COL5A1: variants seen among roughly 807,000 people sequenced by gnomAD.
COL5A1 encodes collagen alpha-1(V) chain.
Under a neutral mutation model 263.7 loss-of-function variants are expected in COL5A1, and 16 were observed. That is an observed-to-expected ratio of 0.06 (90% CI 0.04 to 0.09). The LOEUF is 0.09. COL5A1 is among the 10% of genes least tolerant of loss of function. COL5A1 has a pLI of 1.00. For missense variants in COL5A1, 2,036 were observed against 2,540.5 expected, an observed-to-expected ratio of 0.80 and a Z score of 4.27; for synonymous variants, 1,012 against 1,004.5, an observed-to-expected ratio of 1.01 and a Z score of -0.14.
chr9:134,803,703 T>C (rs952435504), intron 39 of COL5A1, among the ~76,000 whole-genome samples: 5 of 151,614 alleles, frequency 3.3e-5, no homozygotes, highest in Non-Finnish European at 7.4e-5. Context: ...ATTAGCTGGG[T>C]GTGGTGGCGG....
chr9:134,668,953 A>AT (rs1832440524), intron 1 of COL5A1, among the ~76,000 whole-genome samples: 7 of 125,100 alleles, frequency 5.6e-5, no homozygotes, highest in Non-Finnish European at 1.0e-4. Context: ...CCACCCACCC[A>AT]CCCATCCATC....
chr9:134,766,733 C>T (rs1017863893), intron 22 of COL5A1, among the ~76,000 whole-genome samples: 5 of 152,202 alleles, frequency 3.3e-5, no homozygotes, highest in East Asian at 1.9e-4. Context: ...GTTCCTCTCA[C>T]GTGTTCCTTC....
rs756837325 is a variant in COL5A1, at chr9:134,824,603, C to T, written c.4702C>T (p.Pro1568Ser). Residue 1568 changes from proline (P) to serine (S), a missense_variant, in exon 62 of 66, where the codon CCC becomes TCC. Pro to Ser is a moderately conservative substitution (Grantham distance 74). Transcript: ENST00000371817. ...CTGCTCCTGTTCTGTCCCCCAGGGC[C>T]CCCCGGGAGAGGTCATCCAGCCCCT... is the stretch of plus-strand genomic sequence containing the variant. ...GHPGPPGPPG[P>S]PGEVIQPLPI... The T allele has an allele frequency of 6.8e-6, 11 of 1,613,916 alleles. No homozygotes were observed. Among genetic ancestry groups the T allele is most frequent in the Non-Finnish European group, 7.6e-6 (9 of 1,180,020 alleles).
chr9:134,670,930 C>T lies in COL5A1; in HGVS notation c.110-19982C>T, dbSNP rs367986971. 2.9e-3 allele frequency among the ~76,000 whole-genome samples: 445 copies of T among 152,318 alleles called. 2 individuals are homozygous for T. Among genetic ancestry groups the T allele is most frequent in the African/African-American group, 0.01 (424 of 41,572 alleles). On this transcript the variant is annotated intron_variant, in intron 1 of 65. Transcript: ENST00000371817. ...ACTAAACGCATGTGCCTGGGCCTGC[C>T]TTCCACACTGAAATACCACAAGGCC...
rs531404571 is a variant in COL5A1 at position 134,754,397 on chromosome 9, G to A, written c.1827+71G>A. ...CTGGAGGAGCCCAAATCTGGGGTGC[G>A]GGCACCCCCAACAGCCAGCTGGGCC... is the stretch of plus-strand genomic sequence containing the variant. On this transcript the variant is annotated intron_variant, in intron 16 of 65. Transcript: ENST00000371817. This position sits in a 1 kb window ranked among gnomAD's most constrained non-coding sequence, Gnocchi z 4.3. 3.1e-5 allele frequency: 48 copies of A among 1,546,686 alleles called. No individual in the cohort carries two copies. Among genetic ancestry groups the A allele is most frequent in the Middle Eastern group, 1.7e-4 (1 of 5,892 alleles).
chr9:134,652,618 G>A lies in COL5A1; in HGVS notation c.109+10322G>A, dbSNP rs1831731866. The A allele has an allele frequency of 2.2e-6, 1 of 461,888 alleles. No individual in the cohort carries two copies. Among genetic ancestry groups the A allele is most frequent in the Non-Finnish European group, 4.5e-6 (1 of 221,050 alleles). 28.6% of individuals were successfully genotyped at this position (461,888 alleles called of 1,614,324 possible). A position where few individuals can be genotyped will look rare whatever the true frequency, so the allele number is the denominator to read the frequency against. On this transcript the variant is annotated intron_variant, in intron 1 of 65. Transcript: ENST00000371817. This position sits in a 1 kb window ranked among gnomAD's most constrained non-coding sequence, Gnocchi z 4.4. ...TGCTGCTCTGCACCCCACAGTGCAC[G>A]GGACAGCCCCCACCAAAAAGACTGA...
chr9:134,816,099 T>C (rs1296694514), intron 52 of COL5A1, 111 bp downstream of exon 52: 1 of 938,612 alleles, frequency 1.1e-6, no homozygotes, highest in African/African-American at 1.6e-5. Flanking sequence ...TTGATATTGA[T>C]TCCTTTATGA....
chr9:134,660,074 CT>C (rs1832157325), intron 1 of COL5A1, among the ~76,000 whole-genome samples: 1 of 152,198 alleles, frequency 6.6e-6, no homozygotes, highest in Non-Finnish European at 1.5e-5. Flanking sequence ...CACAAAACCC[CT>C]CCTGGGTCAG....
chr9:134,720,700 C>T (rs1007826774), intron 4 of COL5A1, among the ~76,000 whole-genome samples: 18 of 152,276 alleles, frequency 1.2e-4, no homozygotes, highest in African/African-American at 4.3e-4. Context: ...TCAGGGGAGG[C>T]TGAGATTTCC....
chr9:134,728,757 C>T lies in COL5A1; in HGVS notation c.874C>T (p.Pro292Ser), dbSNP rs1285504923. 3 of 1,614,096 alleles carry T rather than the reference C, an allele frequency of 1.9e-6. No individual in the cohort carries two copies. Among genetic ancestry groups the T allele is most frequent in the Non-Finnish European group, 1.7e-6 (2 of 1,180,052 alleles). ...CGAAGACCTAGGGAAGGAGCCCACC[C>T]CCAGCAAGAAGCCCGTGGAAGCTGC... ...DPEDLGKEPT[P>S]SKKPVEAAKE... The change falls in exon 6 of 66, where the codon CCC becomes TCC. Residue 292 changes from proline to serine, a missense_variant. Coordinates refer to ENST00000371817, the MANE Select transcript of COL5A1 (RefSeq NM_000093.5).
At position 134,652,624 on chromosome 9, in the gene COL5A1, GC is replaced by G; in HGVS notation, c.109+10333del. 2.1e-6 allele frequency: 1 copy of G among 467,430 alleles called. No individual in the cohort carries two copies. Among genetic ancestry groups the G allele is most frequent in the East Asian group, 7.0e-5 (1 of 14,302 alleles). The allele number at this position is 467,430 out of a possible 1,614,324, so 29.0% of individuals were successfully genotyped here. A position where few individuals can be genotyped will look rare whatever the true frequency, so the allele number is the denominator to read the frequency against. ...TCTGCACCCCACAGTGCACGGGACA[GC>G]CCCCACCAAAAAGACTGACCCAGCC... On this transcript the variant is annotated intron_variant, in intron 1 of 65. Transcript: ENST00000371817. This position sits in a 1 kb window ranked among gnomAD's most constrained non-coding sequence, Gnocchi z 4.4.
At chr9:134,825,002 G>T (rs898503964) in intron 62 of COL5A1, 147 bp downstream of exon 62, 1 of 1,170,242 alleles carries the variant, frequency 8.5e-7, no homozygotes, top group African/African-American at 1.5e-5. Flanking sequence ...GCCGGGGTGC[G>T]CAAGAGCCTC....
At position 134,651,970 on chromosome 9, in the gene COL5A1, G is replaced by A. The variant is rs537152002; in HGVS notation, c.109+9674G>A. Among the ~76,000 whole-genome samples the A allele has an allele frequency of 9.9e-5, 15 of 152,274 alleles. No homozygotes were observed. The South Asian group carries it at 2.7e-3, about 27-fold the overall frequency. ...TGAGGAGAAAGTGTCCCGTGTCCAC[G>A]TTCCTGTGGACGTTCCCCTTCCTTC... On this transcript the variant is annotated intron_variant, in intron 1 of 65. Coordinates refer to ENST00000371817, the MANE Select transcript of COL5A1 (RefSeq NM_000093.5).
intron 18 of COL5A1, among the ~76,000 whole-genome samples, chr9:134,759,771 CCA>C (rs1311130608): frequency 6.7e-5 from 8 of 119,526 alleles, no homozygotes; most frequent in African/African-American, 6.1e-5. Context: ...CCACGCACCC[CCA>C]CACTCATACA....
In COL5A1 at chr9:134,716,789, A is replaced by G. The variant is rs1175881864; in HGVS notation, c.655-10477A>G. ...GCCCACCCCCATGTTGGAGACACAG[A>G]TGTGTCATTTTGCAGCCTTGCACCC... On this transcript the variant is annotated intron_variant, in intron 4 of 65. Coordinates refer to ENST00000371817, the MANE Select transcript of COL5A1 (RefSeq NM_000093.5). This position sits in a 1 kb window ranked among gnomAD's most constrained non-coding sequence, Gnocchi z 4.5. Among the ~76,000 whole-genome samples, 1 of 152,014 alleles carries G rather than the reference A, an allele frequency of 6.6e-6. No individual in the cohort carries two copies. Among genetic ancestry groups the G allele is most frequent in the African/African-American group, 2.4e-5 (1 of 41,360 alleles).
rs1564396163 is a variant in COL5A1, at chr9:134,699,974, T to A, written c.343T>A (p.Phe115Ile). 6.2e-7 allele frequency: 1 copy of A among 1,613,946 alleles called. No homozygotes were observed. Among genetic ancestry groups the A allele is most frequent in the Non-Finnish European group, 8.5e-7 (1 of 1,180,034 alleles). ...GAAAGCCAAGAAAGGCAGCCAGGCC[T>A]TCCTGGTCTCCATCTACAACGAGCA... Reference protein sequence around the residue: ...TVKAKKGSQAFLVSIYNEQGI... With the variant: ...TVKAKKGSQAILVSIYNEQGI... The change falls in exon 3 of 66, where the codon TTC (phenylalanine) becomes ATC (isoleucine). Residue 115 changes from phenylalanine (F) to isoleucine (I), a missense_variant. This residue lies in a region of COL5A1 where 600 missense variants were observed against 634.5 expected (regional missense o/e 0.95). Transcript: ENST00000371817.
In COL5A1 at chr9:134,696,525, G is replaced by A. The variant is rs537832857; in HGVS notation, c.278-3384G>A. On this transcript the variant is annotated intron_variant, in intron 2 of 65. Coordinates refer to ENST00000371817, the MANE Select transcript of COL5A1 (RefSeq NM_000093.5). The surrounding 1 kb of genome is among the most constrained non-coding windows in gnomAD (Gnocchi z 4.3). ...TGGTTTGATGATTTCTGTTTGTATC[G>A]TGGGAGTATCACTTTCTGAGGTCAG... is the stretch of plus-strand genomic sequence containing the variant. Among the ~76,000 whole-genome samples, 194 of 152,198 alleles carry A rather than the reference G, an allele frequency of 1.3e-3. No individual in the cohort carries two copies. Among genetic ancestry groups the A allele is most frequent in the Non-Finnish European group, 2.2e-3 (152 of 68,012 alleles).
chr9:134,685,083 C>CCCACCATCCATCCAT (rs1832978414), intron 1 of COL5A1, among the ~76,000 whole-genome samples: 1 of 26,830 alleles, frequency 3.7e-5, no homozygotes, highest in East Asian at 1.3e-3. Flanking sequence ...CATCCATCCA[C>CCCACCATCCATCCAT]CCACCATCCA....
chr9:134,750,702 G>C (rs1835744864), intron 12 of COL5A1, 86 bp downstream of exon 12: 1 of 1,595,488 alleles, frequency 6.3e-7, no homozygotes, highest in African/African-American at 1.3e-5. Context: ...GCTGTCACTG[G>C]AGAGGCCTGT....
Sources: gnomAD v4.1 joint callset for allele counts (sites outside exome capture counted in the v4.1 genomes callset) on GRCh38, gnomAD v4.1.1 for gene constraint, gnomAD v4.1.1 regional missense constraint, Gnocchi (gnomAD v3.1) non-coding constraint, MANE v1.5 for transcripts, NCBI Gene and HGNC (gene_info 2026-07-23, HGNC 2026-07-21) for gene names.